The following SLCO1C1 variants were observed in gnomAD, a reference collection of about 807,000 sequenced individuals.
SLCO1C1 encodes OAT-RP-5.
Under a neutral mutation model 76.4 loss-of-function variants are expected in SLCO1C1, and 70 were observed. The ratio of observed to expected loss-of-function variants is 0.92; its 90% CI spans 0.76 to 1.12. The LOEUF (loss-of-function observed/expected upper bound fraction) is 1.12, where lower values mean the gene tolerates loss of function less well. SLCO1C1 is among the 50% of genes most tolerant of loss of function. The probability of loss-of-function intolerance (pLI) is 0.00; values close to 1 mark genes in which losing one functional copy is unlikely to be tolerated. For missense variants in SLCO1C1, 912 were observed against 823.8 expected, an observed-to-expected ratio of 1.11 and a Z score of -1.31; for synonymous variants, 306 against 286.1, an observed-to-expected ratio of 1.07 and a Z score of -0.70.
intron 13 of SLCO1C1, among the ~76,000 whole-genome samples, chr12:20,747,196 G>A (rs1949085367): frequency 6.6e-6 from 1 of 152,062 alleles, no homozygotes; most frequent in Admixed American, 6.6e-5. Flanking sequence ...AGGCTGAGGC[G>A]GGTGGATATC....
chr12:20,724,228 A>G (rs1030131627), intron 9 of SLCO1C1, among the ~76,000 whole-genome samples: 9 of 151,712 alleles, frequency 5.9e-5, no homozygotes, highest in African/African-American at 2.2e-4. Context: ...CACCCCATGC[A>G]TGCTAATCAA....
chr12:20,703,819 A>T (rs1946640477), intron 3 of SLCO1C1, among the ~76,000 whole-genome samples: 1 of 151,756 alleles, frequency 6.6e-6, no homozygotes, highest in African/African-American at 2.4e-5. Context: ...GGATTTTTAC[A>T]TCTATCTTCA....
rs981153301 is a variant in SLCO1C1, at chr12:20,752,637, T to A, written c.*109T>A. 39 of 921,480 alleles carry A rather than the reference T, an allele frequency of 4.2e-5. No individual in the cohort carries two copies. The African/African-American group carries it at 5.8e-4, about 14-fold the overall frequency. 57.1% of individuals were successfully genotyped at this position (921,480 alleles called of 1,614,324 possible). A position where few individuals can be genotyped will look rare whatever the true frequency, so the allele number is the denominator to read the frequency against. On this transcript the variant is annotated 3_prime_UTR_variant, in exon 15 of 15. Transcript: ENST00000266509. ...GTAATTTCTTTCTCCTTTCAAAAAATGTCTACTTTGTTTTGGTCCTAGGCA... is the reference window on the plus strand; with the variant it reads ...GTAATTTCTTTCTCCTTTCAAAAAAAGTCTACTTTGTTTTGGTCCTAGGCA...
rs758320826 is a variant in SLCO1C1, at chr12:20,743,304, G to GCT, written c.1734-1_1734insCT (p.Arg578SerfsTer18). On this transcript the variant is annotated frameshift_variant and splice_region_variant. Coordinates refer to ENST00000266509, the MANE Select transcript of SLCO1C1 (RefSeq NM_017435.5). LOFTEE classifies it high-confidence loss of function. ...TGTAATGGTGCTTTTGTTGATTTTA[G>GCT]GTGCATTAAGCCACAGCTTAAGTCT... 1 of 1,611,488 alleles carries GCT rather than the reference G, an allele frequency of 6.2e-7. No homozygotes were observed. Among genetic ancestry groups the GCT allele is most frequent in the South Asian group, 1.1e-5 (1 of 90,898 alleles).
intron 14 of SLCO1C1, 85 bp downstream of exon 14, chr12:20,750,877 T>C (rs1436608222): frequency 6.2e-7 from 1 of 1,613,564 alleles, no homozygotes; most frequent in Admixed American, 1.7e-5. Context: ...AGTTTTCATG[T>C]CATTTCACTG....
chr12:20,701,565 A>C, intron 3 of SLCO1C1, 106 bp downstream of exon 3: 1 of 953,752 alleles, frequency 1.0e-6, no homozygotes. Flanking sequence ...GACTCTATTC[A>C]TAAAATCTTT....
chr12:20,701,571 TC>T, intron 3 of SLCO1C1, 112 bp downstream of exon 3: 3 of 798,452 alleles, frequency 3.8e-6, no homozygotes, highest in Non-Finnish European at 5.0e-6. Flanking sequence ...ATTCATAAAA[TC>T]TTTTTTTTTT....
At position 20,723,248 on chromosome 12, in the gene SLCO1C1, G is replaced by T. The variant is rs370947438; in HGVS notation, c.1180G>T (p.Val394Leu). 8 of 1,613,568 alleles carry T rather than the reference G, an allele frequency of 5.0e-6. No homozygotes were observed. The African/African-American group carries it at 1.1e-4, about 22-fold the overall frequency. The change falls in exon 9 of 15, where the codon GTG (valine) becomes TTG (leucine). Residue 394 changes from valine to leucine, a missense_variant. By Grantham distance (32) the Val-to-Leu change is conservative. Coordinates refer to ENST00000266509, the MANE Select transcript of SLCO1C1 (RefSeq NM_017435.5). ...YGQSSSRANF[V>L]IGLINIPAVA... ...ACAGTCATCCTCCAGGGCCAACTTT[G>T]TGATCGGTATGCTCATCTGCCTTTC...
At chr12:20,740,780 ATT>A (rs1491329613) in intron 12 of SLCO1C1, among the ~76,000 whole-genome samples, 348 of 24,858 alleles carry the variant, frequency 0.014, 18 homozygotes, top group South Asian at 0.14. Flanking sequence ...GTTAGAATTT[ATT>A]TTATTTATAT....
chr12:20,705,813 GA>G (rs550261930), intron 3 of SLCO1C1, 135 bp from the exon 4 acceptor site: 5 of 799,082 alleles, frequency 6.3e-6, no homozygotes, highest in South Asian at 2.0e-5. Context: ...CAGATTAAAG[GA>G]AAAAAATTAA....
chr12:20,698,277 CTTCT>C (rs143983388), intron 1 of SLCO1C1, among the ~76,000 whole-genome samples: 6,471 of 151,842 alleles, frequency 0.043, 226 homozygotes, highest in African/African-American at 0.091. Flanking sequence ...TTCACTCACT[CTTCT>C]TTTTCAATTA....
At position 20,709,624 on chromosome 12, in the gene SLCO1C1, G is replaced by T. The variant is rs1946964399; in HGVS notation, c.405-1762G>T. Among the ~76,000 whole-genome samples, 2 of 15,626 alleles carry T rather than the reference G, an allele frequency of 1.3e-4. 1 individual carries two copies. Among genetic ancestry groups the T allele is most frequent in the Non-Finnish European group, 3.9e-4 (2 of 5,104 alleles). 10.3% of individuals were successfully genotyped at this position (15,626 alleles called of 152,430 possible). On this transcript the variant is annotated intron_variant, in intron 4 of 14. Coordinates refer to ENST00000266509, the MANE Select transcript of SLCO1C1 (RefSeq NM_017435.5). The stretch of plus-strand genomic sequence containing the variant: ...AGGCCGGGCGCGGTGGCTCACGCCT[G>T]TAATCCCAGCACTTTGGGAGGCCGA...
rs571478705 is a variant in SLCO1C1 at position 20,705,749 on chromosome 12, G to A, written c.272-200G>A. On this transcript the variant is annotated intron_variant, in intron 3 of 14. Coordinates refer to ENST00000266509, the MANE Select transcript of SLCO1C1 (RefSeq NM_017435.5). ...TAGAAGGATTGAATTAAAATATTTCGATAAAGGGATAAGGTGATTGAAGTA... is the reference window on the plus strand; with the variant it reads ...TAGAAGGATTGAATTAAAATATTTCAATAAAGGGATAAGGTGATTGAAGTA... Among the ~76,000 whole-genome samples the A allele has an allele frequency of 6.6e-5, 10 of 151,984 alleles. No individual in the cohort carries two copies. In the South Asian group the frequency reaches 1.9e-3, roughly 28 times the overall value.
intron 5 of SLCO1C1, among the ~76,000 whole-genome samples, chr12:20,714,321 G>A (rs1459982835): frequency 6.6e-6 from 1 of 152,200 alleles, no homozygotes; most frequent in Admixed American, 6.5e-5. Flanking sequence ...ACATTCAGCA[G>A]TGATGATTGT....
At chr12:20,718,160 T>G (rs1465146264) in intron 7 of SLCO1C1, among the ~76,000 whole-genome samples, 2 of 152,218 alleles carry the variant, frequency 1.3e-5, no homozygotes, top group African/African-American at 4.8e-5. Context: ...TGATGGATTT[T>G]AGAGACAAGA....
At chr12:20,749,582 C>G (rs1164619945) in intron 13 of SLCO1C1, among the ~76,000 whole-genome samples, 2 of 152,188 alleles carry the variant, frequency 1.3e-5, no homozygotes, top group Non-Finnish European at 2.9e-5. Flanking sequence ...CAATTTAGAA[C>G]ATATAAAATA....
rs1444246462 is a variant in SLCO1C1 at position 20,740,807 on chromosome 12, ATATATATATATG to A, written c.1733+440_1733+451del. On this transcript the variant is annotated intron_variant, in intron 12 of 14. Transcript: ENST00000266509. ...TTTATTTATATATATATATATATATATATATATATATGGCTTTATCTGTATATTTTTGCCATG... is the reference window on the plus strand; with the variant it reads ...TTTATTTATATATATATATATATATAGCTTTATCTGTATATTTTTGCCATG... Among the ~76,000 whole-genome samples, 21 of 129,256 alleles carry A rather than the reference ATATATATATATG, an allele frequency of 1.6e-4. 2 individuals carry two copies. In the South Asian group the frequency reaches 1.8e-3, roughly 11 times the overall value. 84.8% of individuals were successfully genotyped at this position (129,256 alleles called of 152,430 possible).
intron 11 of SLCO1C1, among the ~76,000 whole-genome samples, chr12:20,739,568 G>A (rs1948706485): frequency 6.6e-6 from 1 of 152,132 alleles, no homozygotes; most frequent in African/African-American, 2.4e-5. Context: ...GGGATGTTTG[G>A]AAAGGGCAAA....
intron 4 of SLCO1C1, among the ~76,000 whole-genome samples, chr12:20,710,195 C>CTTTTTTTTT (rs1592238672): frequency 2.6e-4 from 32 of 125,154 alleles, no homozygotes; most frequent in African/African-American, 9.8e-4. Flanking sequence ...CAGTTCTCTA[C>CTTTTTTTTT]TTTTCTTTTT....
Sources: gnomAD v4.1 joint callset for allele counts (sites outside exome capture counted in the v4.1 genomes callset) on GRCh38, gnomAD v4.1.1 for gene constraint, MANE v1.5 for transcripts, NCBI Gene and HGNC (gene_info 2026-07-23, HGNC 2026-07-21) for gene names.